ERICH1: variants seen among roughly 807,000 people sequenced by gnomAD.
The protein encoded by ERICH1 is glutamate rich 1.
ERICH1 carries 56 observed loss-of-function variants against 39.6 expected under a neutral mutation model. That is an observed-to-expected ratio of 1.41 (90% CI 1.14 to 1.77). The LOEUF is 1.77. ERICH1 is among the 40% of genes most tolerant of loss of function. The pLI is 0.00. For synonymous variants in ERICH1, 313 were observed against 223.6 expected, an observed-to-expected ratio of 1.40 and a Z score of -3.57; for missense variants, 826 against 575.4, an observed-to-expected ratio of 1.44 and a Z score of -4.45.
At chr8:624,741 T>C (rs186581532) in intron 3 of ERICH1, among the ~76,000 whole-genome samples, 42 of 152,118 alleles carry the variant, frequency 2.8e-4, no homozygotes, top group Non-Finnish European at 5.0e-4. Flanking sequence ...TATTTTTATT[T>C]TGTTTGAGAC....
chr8:724,934 C>G (rs1260135318), intron 1 of ERICH1, among the ~76,000 whole-genome samples: 1 of 152,174 alleles, frequency 6.6e-6, no homozygotes, highest in Admixed American at 6.5e-5. Context: ...CCCATTGTGG[C>G]CTCCTGGACC....
chr8:638,495 T>A (rs1020181746), intron 3 of ERICH1, among the ~76,000 whole-genome samples: 4 of 152,102 alleles, frequency 2.6e-5, no homozygotes, highest in Non-Finnish European at 5.9e-5. Context: ...TTCAAAACTG[T>A]CTTGTCAGGA....
chr8:699,357 C>A (rs930225777), intron 2 of ERICH1, among the ~76,000 whole-genome samples: 4 of 152,188 alleles, frequency 2.6e-5, no homozygotes, highest in Admixed American at 2.6e-4. Context: ...GTCCCAGCGG[C>A]CTTCTTCTCT....
chr8:711,980 C>T (rs1814842716), intron 2 of ERICH1, among the ~76,000 whole-genome samples: 1 of 152,190 alleles, frequency 6.6e-6, no homozygotes, highest in Non-Finnish European at 1.5e-5. Flanking sequence ...TCTGTACTCT[C>T]TATTCTGTCC....
At chr8:640,401 G>T (rs1798849701) in intron 3 of ERICH1, among the ~76,000 whole-genome samples, 1 of 152,170 alleles carries the variant, frequency 6.6e-6, no homozygotes, top group Admixed American at 6.5e-5. Flanking sequence ...CAAAGTCAAG[G>T]AACATTCTGT....
chr8:684,871 G>C (rs560001053), intron 3 of ERICH1, among the ~76,000 whole-genome samples: 1 of 152,334 alleles, frequency 6.6e-6, no homozygotes, highest in African/African-American at 2.4e-5. Context: ...ATGGGTCACA[G>C]AGATCACATG....
intron 3 of ERICH1, among the ~76,000 whole-genome samples, chr8:624,697 A>G (rs1797497347): frequency 6.6e-6 from 1 of 151,334 alleles, no homozygotes; most frequent in Admixed American, 6.6e-5. Context: ...GAGGCGCTAC[A>G]CACTTTTTTT....
chr8:640,410 G>A (rs1369254388), intron 3 of ERICH1, among the ~76,000 whole-genome samples: 1 of 152,160 alleles, frequency 6.6e-6, no homozygotes, highest in East Asian at 1.9e-4. Context: ...GGAACATTCT[G>A]TAATGAGATT....
intron 3 of ERICH1, among the ~76,000 whole-genome samples, chr8:655,513 CTT>C (rs555617973): frequency 1.4e-4 from 21 of 152,312 alleles, no homozygotes; most frequent in African/African-American, 4.8e-4. Flanking sequence ...AGGAGCTCCT[CTT>C]TTCTTCTTTG....
intron 3 of ERICH1, among the ~76,000 whole-genome samples, chr8:635,799 T>C (rs1231596937): frequency 6.6e-6 from 1 of 152,052 alleles, no homozygotes; most frequent in Non-Finnish European, 1.5e-5. Flanking sequence ...GTGGTCCACA[T>C]GCGTGCTGCA....
rs116829552 is a variant in ERICH1 at position 720,828 on chromosome 8, C to T, written c.23-4821G>A. 7.8e-3 allele frequency among the ~76,000 whole-genome samples: 1,183 copies of T among 152,262 alleles called. 11 individuals carry two copies. Among genetic ancestry groups the T allele is most frequent in the African/African-American group, 0.027 (1,136 of 41,542 alleles). On this transcript the variant is annotated intron_variant, in intron 1 of 5. Coordinates refer to ENST00000262109, the MANE Select transcript of ERICH1 (RefSeq NM_207332.3). Reference sequence around the variant, plus strand: ...GAAGGAAAACGTCTTTCCCAGTGGCCCACACACTCCTGGAGGTCACCGTAT... The same window carrying T: ...GAAGGAAAACGTCTTTCCCAGTGGCTCACACACTCCTGGAGGTCACCGTAT...
intron 2 of ERICH1, among the ~76,000 whole-genome samples, chr8:695,428 C>T (rs1368746211): frequency 6.6e-6 from 1 of 152,088 alleles, no homozygotes; most frequent in Non-Finnish European, 1.5e-5. Flanking sequence ...CCTTACGCCG[C>T]TCACCTGGCA....
intron 3 of ERICH1, among the ~76,000 whole-genome samples, chr8:650,160 G>C (rs1419303863): frequency 1.3e-5 from 2 of 152,206 alleles, no homozygotes; most frequent in African/African-American, 4.8e-5. Context: ...TTGCGTGTCC[G>C]GCACAGCGTG....
At chr8:638,043 G>A (rs1798584350) in intron 3 of ERICH1, among the ~76,000 whole-genome samples, 1 of 152,226 alleles carries the variant, frequency 6.6e-6, no homozygotes, top group Non-Finnish European at 1.5e-5. Flanking sequence ...ACTTTACACA[G>A]AAGCCTGTTC....
intron 3 of ERICH1, among the ~76,000 whole-genome samples, chr8:680,695 A>AC (rs1448896242): frequency 6.6e-6 from 1 of 152,256 alleles, no homozygotes; most frequent in East Asian, 1.9e-4. Context: ...CACAGCTGCC[A>AC]CCCCATCAAC....
chr8:731,131 C>T lies in ERICH1; in HGVS notation c.22+9G>A, dbSNP rs1202452921. 1.3e-6 allele frequency: 2 copies of T among 1,520,946 alleles called. No individual in the cohort carries two copies. The highest frequency in any genetic ancestry group is 1.8e-6 in the Non-Finnish European group (2 of 1,136,730). The allele number at this position is 1,520,946 out of a possible 1,614,324, so 94.2% of individuals were successfully genotyped here. A position where few individuals can be genotyped will look rare whatever the true frequency, so the allele number is the denominator to read the frequency against. On this transcript the variant is annotated intron_variant, in intron 1 of 5. Transcript: ENST00000262109. Reference sequence around the variant, plus strand: ...GGTCTGGGCAGGCCTCCGCACCGCACCCACCTACCGTGCTTCCTGTGCGCC... The same window carrying T: ...GGTCTGGGCAGGCCTCCGCACCGCATCCACCTACCGTGCTTCCTGTGCGCC...
intron 1 of ERICH1, among the ~76,000 whole-genome samples, chr8:717,275 T>C (rs183905699): frequency 6.6e-6 from 1 of 152,176 alleles, no homozygotes; most frequent in East Asian, 1.9e-4. Flanking sequence ...CCATACGCTA[T>C]ATTTTGAATA....
intron 2 of ERICH1, among the ~76,000 whole-genome samples, chr8:697,372 T>G (rs1025929443): frequency 6.6e-6 from 1 of 152,150 alleles, no homozygotes; most frequent in Non-Finnish European, 1.5e-5. Flanking sequence ...CACGAGCAAC[T>G]GAATCGGCAG....
At chr8:635,877 G>A (rs148932074) in intron 3 of ERICH1, among the ~76,000 whole-genome samples, 63 of 152,358 alleles carry the variant, frequency 4.1e-4, no homozygotes, top group Non-Finnish European at 6.9e-4. Context: ...AAACGCAGCA[G>A]GTCCTTCAAA....
Sources: gnomAD v4.1 joint callset for allele counts (sites outside exome capture counted in the v4.1 genomes callset) on GRCh38, gnomAD v4.1.1 for gene constraint, MANE v1.5 for transcripts, NCBI Gene and HGNC (gene_info 2026-07-23, HGNC 2026-07-21) for gene names.